The following ZMIZ1 variants were observed in gnomAD, a reference collection of about 807,000 sequenced individuals.
ZMIZ1 encodes the protein zinc finger MIZ domain-containing protein 1.
Under a neutral mutation model 113.9 loss-of-function variants are expected in ZMIZ1, and 17 were observed. The ratio of observed to expected loss-of-function variants is 0.15; its 90% confidence interval spans 0.10 to 0.22. The LOEUF (loss-of-function observed/expected upper bound fraction) is 0.22. Among genes scored for constraint, ZMIZ1 ranks in the 10% least tolerant of loss-of-function variants. The probability of loss-of-function intolerance (pLI) is 1.00; values close to 1 mark genes in which losing one functional copy is unlikely to be tolerated. For synonymous variants in ZMIZ1, 607 were observed against 603.1 expected, an observed-to-expected ratio of 1.01 and a Z score of -0.09; for missense variants, 1,059 against 1,477.8, an observed-to-expected ratio of 0.72 and a Z score of 4.65.
chr10:79,139,583 C>T lies in ZMIZ1; in HGVS notation c.-226-99C>T, dbSNP rs377686967. The T allele has an allele frequency of 5.0e-5, 20 of 397,500 alleles. No individual in the cohort carries two copies. In the South Asian group the frequency reaches 2.0e-3, roughly 39 times the overall value. The allele number at this position is 397,500 out of a possible 1,614,324, so 24.6% of individuals were successfully genotyped here. On this transcript the variant is annotated intron_variant, in intron 2 of 24. Coordinates refer to ENST00000334512, the MANE Select transcript of ZMIZ1 (RefSeq NM_020338.4). ...GGTGTGCTTAAGTGACCCAAGAGGCCGCTGAGATTAGCTTGGCGGCAGGGA... is the reference window on the plus strand; with the variant it reads ...GGTGTGCTTAAGTGACCCAAGAGGCTGCTGAGATTAGCTTGGCGGCAGGGA...
chr10:79,208,135 G>A (rs1388062306), intron 5 of ZMIZ1, among the ~76,000 whole-genome samples: 2 of 115,116 alleles, frequency 1.7e-5, no homozygotes, highest in African/African-American at 7.1e-5. Flanking sequence ...AGGTGGGGGT[G>A]GGGGGGGGTG....
chr10:79,201,300 C>T (rs1237644123), intron 4 of ZMIZ1, among the ~76,000 whole-genome samples: 1 of 152,156 alleles, frequency 6.6e-6, no homozygotes, highest in Non-Finnish European at 1.5e-5. Flanking sequence ...AAGAGCAAAA[C>T]TCCATCTCAA....
chr10:79,243,097 G>A (rs1397169332), intron 7 of ZMIZ1, among the ~76,000 whole-genome samples: 1 of 151,018 alleles, frequency 6.6e-6, no homozygotes, highest in Non-Finnish European at 1.5e-5. Context: ...TCTTCCTCCC[G>A]CGCTCCTCCT....
chr10:79,176,720 G>T (rs1846885319), intron 4 of ZMIZ1, among the ~76,000 whole-genome samples: 2 of 152,202 alleles, frequency 1.3e-5, no homozygotes, highest in Admixed American at 1.3e-4. Context: ...CAGTGGAGGT[G>T]AGCTGCCATC....
chr10:79,299,509 C>T (rs144023148), intron 16 of ZMIZ1, among the ~76,000 whole-genome samples: 18 of 152,210 alleles, frequency 1.2e-4, no homozygotes, highest in Non-Finnish European at 2.1e-4. Context: ...CAAGAGGGAA[C>T]GCAGTCAAGA....
intron 8 of ZMIZ1, among the ~76,000 whole-genome samples, chr10:79,278,442 A>AT (rs951337238): frequency 5.5e-5 from 8 of 144,744 alleles, no homozygotes; most frequent in African/African-American, 1.0e-4. Flanking sequence ...CTTTTTTTTA[A>AT]TTTTTTTTAG....
intron 1 of ZMIZ1, among the ~76,000 whole-genome samples, chr10:79,095,520 G>A (rs1843139356): frequency 6.6e-6 from 1 of 152,148 alleles, no homozygotes; most frequent in South Asian, 2.1e-4. Context: ...GGCCTTTCCG[G>A]GTGTCAGGCA....
At chr10:79,214,485 G>A (rs187986279) in intron 6 of ZMIZ1, among the ~76,000 whole-genome samples, 126 of 152,314 alleles carry the variant, frequency 8.3e-4, no homozygotes, top group African/African-American at 2.9e-3. Flanking sequence ...GATTTAGCAC[G>A]GGACATTTCT....
rs190228377 is a variant in ZMIZ1 at position 79,123,159 on chromosome 10, C to T, written c.-227+4135C>T. On this transcript the variant is annotated intron_variant, in intron 2 of 24. Transcript: ENST00000334512. ...GGCTGGCCACAGATGAGAGGGGTAT[C>T]GTGTCAGGGGCATGACAAACTGTTC... 1.7e-3 allele frequency among the ~76,000 whole-genome samples: 253 copies of T among 152,314 alleles called. 1 individual carries two copies. The highest frequency in any genetic ancestry group is 5.7e-3 in the African/African-American group (237 of 41,576).
At chr10:79,209,085 C>T (rs1435815513) in intron 6 of ZMIZ1, among the ~76,000 whole-genome samples, 1 of 151,948 alleles carries the variant, frequency 6.6e-6, no homozygotes, top group African/African-American at 2.4e-5. Flanking sequence ...GGCTGGGTGG[C>T]GGGGCAGGGT....
At chr10:79,172,541 G>A (rs737012) in intron 4 of ZMIZ1, among the ~76,000 whole-genome samples, 59,600 of 151,976 alleles carry the variant, frequency 0.39, 12,062 homozygotes, top group Middle Eastern at 0.45. Flanking sequence ...TTATGGATGA[G>A]GAAACTGAGA....
At chr10:79,230,597 CA>C (rs1436356531) in intron 7 of ZMIZ1, among the ~76,000 whole-genome samples, 1 of 152,186 alleles carries the variant, frequency 6.6e-6, no homozygotes, top group Non-Finnish European at 1.5e-5. Context: ...CATGTCTGTT[CA>C]AAAGGGTCTC....
intron 7 of ZMIZ1, among the ~76,000 whole-genome samples, chr10:79,252,722 A>G (rs1441838343): frequency 6.6e-6 from 1 of 152,184 alleles, no homozygotes; most frequent in East Asian, 1.9e-4. Context: ...TGAGTGTGTG[A>G]GTGTGTGCAG....
chr10:79,278,609 G>A (rs909527216), intron 8 of ZMIZ1, among the ~76,000 whole-genome samples: 1 of 151,120 alleles, frequency 6.6e-6, no homozygotes. Context: ...TTGTGTCCCT[G>A]GGTACTTGAG....
At chr10:79,197,490 G>A (rs1164498676) in intron 4 of ZMIZ1, among the ~76,000 whole-genome samples, 1 of 152,050 alleles carries the variant, frequency 6.6e-6, no homozygotes, top group African/African-American at 2.4e-5. Context: ...GCTGGCTGAG[G>A]GTCTGTGTGG....
intron 3 of ZMIZ1, among the ~76,000 whole-genome samples, chr10:79,144,296 A>G (rs1845396355): frequency 6.6e-6 from 1 of 152,218 alleles, no homozygotes; most frequent in Admixed American, 6.5e-5. Flanking sequence ...CACAAGGGGC[A>G]GGAACTGCAT....
chr10:79,159,787 A>G (rs1163084446), intron 3 of ZMIZ1, among the ~76,000 whole-genome samples: 2 of 151,656 alleles, frequency 1.3e-5, no homozygotes, highest in Non-Finnish European at 2.9e-5. Context: ...AAATTCTAGC[A>G]CCCCCACTTA....
Position 79,312,695 on chromosome 10 carries a change from C to G in ZMIZ1, c.3150C>G (p.Pro1050=), listed in dbSNP as rs780528321. 1 of 1,614,136 alleles carries G rather than the reference C, an allele frequency of 6.2e-7. No homozygotes were observed. Among genetic ancestry groups the G allele is most frequent in the Non-Finnish European group, 8.5e-7 (1 of 1,180,050 alleles). The change falls in exon 25 of 25, where the codon CCC becomes CCG. Residue 1050 remains proline (P), a synonymous_variant. Transcript: ENST00000334512. The part of the protein sequence containing the change: ...PDELLSYLDP[P]DLPSNSNDDL... The stretch of plus-strand genomic sequence containing the variant: ...AGCTCCTGTCTTATCTGGACCCCCC[C>G]GACCTGCCGAGCAATAGTAACGATG...
intron 7 of ZMIZ1, among the ~76,000 whole-genome samples, chr10:79,240,695 G>T (rs182814736): frequency 1.7e-5 from 2 of 117,396 alleles, no homozygotes; most frequent in Admixed American, 2.4e-4. Flanking sequence ...AAAATCTCTG[G>T]TCTCAAGCCG....
Sources: allele counts gnomAD v4.1 joint callset (sites outside exome capture counted in the v4.1 genomes callset), GRCh38; gene constraint gnomAD v4.1.1; transcripts MANE v1.5; gene names NCBI Gene and HGNC (gene_info 2026-07-23, HGNC 2026-07-21).